Variants in TGS1 observed in about 807,000 individuals in gnomAD.
TGS1 encodes trimethylguanosine synthase 1, also known as trimethylguanosine synthase.
Under a neutral mutation model 92.2 loss-of-function variants are expected in TGS1, and 69 were observed. The observed-to-expected ratio is 0.75, with a 90% confidence interval of 0.62 to 0.91. The LOEUF (loss-of-function observed/expected upper bound fraction) is 0.91, where lower values mean the gene tolerates loss of function less well. Among genes scored for constraint, TGS1 ranks in the 40% least tolerant of loss-of-function variants. The pLI is 0.00. For synonymous variants in TGS1, 345 were observed against 338.1 expected (o/e 1.02, Z -0.22); for missense variants, 1,062 against 1,001.2 (o/e 1.06, Z -0.82).
At chr8:55,810,843 G>A (rs1803317881) in intron 10 of TGS1, 38 bp from the exon 11 acceptor site, 1 of 1,484,552 alleles carries the variant, frequency 6.7e-7, no homozygotes, top group Non-Finnish European at 9.4e-7. Flanking sequence ...GTAATAATCA[G>A]TGTCAATTAA....
chr8:55,805,226 A>G (rs997682654), intron 10 of TGS1, among the ~76,000 whole-genome samples, 190 bp downstream of exon 10: 10 of 152,238 alleles, frequency 6.6e-5, no homozygotes, highest in Non-Finnish European at 1.5e-4. Flanking sequence ...TGCTTCCTAC[A>G]GTTGACCCTT....
chr8:55,792,786 T>G lies in TGS1; in HGVS notation c.1367+2T>G. The G allele has an allele frequency of 6.2e-7, 1 of 1,601,360 alleles. No homozygotes were observed. Among genetic ancestry groups the G allele is most frequent in the South Asian group, 1.1e-5 (1 of 90,772 alleles). ...ATTCAAGTATGGCTCAGGACAAAAG[T>G]AATTATTCATAAAAGCTATTGTTTT... On this transcript the variant is annotated splice_donor_variant, in intron 6 of 12. Coordinates refer to ENST00000260129, the MANE Select transcript of TGS1 (RefSeq NM_024831.8). LOFTEE classifies it high-confidence loss of function.
rs114988342 is a variant in TGS1 at position 55,783,505 on chromosome 8, C to T, written c.166+693C>T. Among the ~76,000 whole-genome samples, 418 of 152,204 alleles carry T rather than the reference C, an allele frequency of 2.7e-3. 1 individual carries two copies. The highest frequency in any genetic ancestry group is 9.5e-3 in the African/African-American group (395 of 41,536). On this transcript the variant is annotated intron_variant, in intron 2 of 12. Transcript: ENST00000260129. ...AATGCTGCAGGATAAAAAAATGCTA[C>T]GGGATAAAAATTCCAGGTGAACATC...
chr8:55,810,027 T>C (rs980703388), intron 10 of TGS1, among the ~76,000 whole-genome samples: 2 of 152,242 alleles, frequency 1.3e-5, no homozygotes, highest in African/African-American at 4.8e-5. Context: ...TATGTTATAA[T>C]TGGTGCTTAT....
intron 12 of TGS1, among the ~76,000 whole-genome samples, chr8:55,814,727 G>C (rs935077697): frequency 6.8e-6 from 1 of 146,680 alleles, no homozygotes; most frequent in Non-Finnish European, 1.5e-5. Flanking sequence ...AAATTAGCCG[G>C]GCATGGTGGC....
At chr8:55,792,806 T>A in intron 6 of TGS1, 22 bp downstream of exon 6, 1 of 1,563,672 alleles carries the variant, frequency 6.4e-7, no homozygotes, top group Non-Finnish European at 8.8e-7. Context: ...TAAAAGCTAT[T>A]GTTTTCCAGA....
chr8:55,815,478 T>C (rs765043211), intron 12 of TGS1, among the ~76,000 whole-genome samples: 1 of 152,184 alleles, frequency 6.6e-6, no homozygotes, highest in African/African-American at 2.4e-5. Flanking sequence ...TAACTTTTTT[T>C]TGTTAAGGAA....
At chr8:55,815,566 C>T (rs1214774841) in intron 12 of TGS1, among the ~76,000 whole-genome samples, 1 of 152,184 alleles carries the variant, frequency 6.6e-6, no homozygotes, top group Non-Finnish European at 1.5e-5. Context: ...GTTTGAAACT[C>T]AGGCTGCATT....
intron 8 of TGS1, among the ~76,000 whole-genome samples, chr8:55,800,849 T>C (rs1171458041): frequency 6.6e-6 from 1 of 152,188 alleles, no homozygotes; most frequent in Non-Finnish European, 1.5e-5. Flanking sequence ...ACCATTTGAG[T>C]GTGTAATGGA....
intron 12 of TGS1, among the ~76,000 whole-genome samples, chr8:55,814,650 G>C (rs547985455): frequency 3.1e-5 from 4 of 127,518 alleles, no homozygotes; most frequent in Admixed American, 2.5e-4. Context: ...GCAAAACCCC[G>C]TCTCTACTTA....
chr8:55,774,450 A>G (rs1052948847), intron 1 of TGS1, among the ~76,000 whole-genome samples: 25 of 152,222 alleles, frequency 1.6e-4, no homozygotes, highest in Non-Finnish European at 3.4e-4. Context: ...ATAGTTTAAT[A>G]TAGTAGGATT....
Position 55,799,186 on chromosome 8 carries a change from A to C in TGS1, c.1815A>C (p.Gln605His). ...TVPDEQDCVT[Q>H]EVPDSRQAET... ...CAGATGAGCAGGATTGTGTTACTCAAGAAGTGCCAGACTCCCGCCAGGCAG... is the reference window on the plus strand; with the variant it reads ...CAGATGAGCAGGATTGTGTTACTCACGAAGTGCCAGACTCCCGCCAGGCAG... The change falls in exon 8 of 13, where the codon CAA becomes CAC. Residue 605 changes from glutamine to histidine, a missense_variant. Physicochemically the swap from Gln to His is conservative, Grantham distance 24 (BLOSUM62 0). Coordinates refer to ENST00000260129, the MANE Select transcript of TGS1 (RefSeq NM_024831.8). The C allele has an allele frequency of 6.2e-7, 1 of 1,613,564 alleles. No homozygotes were observed. The highest frequency in any genetic ancestry group is 8.5e-7 in the Non-Finnish European group (1 of 1,179,774).
At chr8:55,801,582 C>CCTTTTTT (rs1214681045) in intron 8 of TGS1, among the ~76,000 whole-genome samples, 2 of 48,200 alleles carry the variant, frequency 4.1e-5, no homozygotes, top group Non-Finnish European at 6.9e-5. Context: ...CCCCATCGTT[C>CCTTTTTT]TTTTTTTTTT....
At chr8:55,775,998 G>A (rs1473469100) in intron 1 of TGS1, among the ~76,000 whole-genome samples, 1 of 152,068 alleles carries the variant, frequency 6.6e-6, no homozygotes, top group Non-Finnish European at 1.5e-5. Flanking sequence ...TAAATCCCTT[G>A]GATCGATTGA....
intron 9 of TGS1, among the ~76,000 whole-genome samples, chr8:55,802,960 CG>C (rs1645690997): frequency 6.7e-6 from 1 of 148,366 alleles, no homozygotes; most frequent in African/African-American, 2.5e-5. Flanking sequence ...TCCTTTATCA[CG>C]TTTTTTTTTT....
chr8:55,814,926 T>C (rs2130241737), intron 12 of TGS1, among the ~76,000 whole-genome samples: 1 of 151,932 alleles, frequency 6.6e-6, no homozygotes, highest in East Asian at 1.9e-4. Context: ...GTATTTTATA[T>C]CTACTTCTCA....
In TGS1 at chr8:55,805,013, A is replaced by G; in HGVS notation, c.2120A>G (p.Gln707Arg). ...TGTGGAGTTGGAGGAAATACCATTC[A>G]GTTTGCCTTAACAGGAATGAGAGGT... The part of the protein sequence containing the change: ...AFCGVGGNTI[Q>R]FALTGMRVIA... The change falls in exon 10 of 13, where the codon CAG (glutamine) becomes CGG (arginine). Residue 707 changes from glutamine (Q) to arginine (R), a missense_variant. Transcript: ENST00000260129. 1.2e-6 allele frequency: 2 copies of G among 1,613,938 alleles called. No individual in the cohort carries two copies. Among genetic ancestry groups the G allele is most frequent in the East Asian group, 2.2e-5 (1 of 44,876 alleles).
chr8:55,798,579 A>G (rs559270614), intron 7 of TGS1, among the ~76,000 whole-genome samples: 2 of 152,368 alleles, frequency 1.3e-5, no homozygotes, highest in Admixed American at 6.5e-5. Flanking sequence ...GTACATTTGT[A>G]ATGTAGCTGT....
chr8:55,780,446 A>G (rs1286706210), intron 1 of TGS1, among the ~76,000 whole-genome samples: 1 of 152,134 alleles, frequency 6.6e-6, no homozygotes, highest in Admixed American at 6.6e-5. Flanking sequence ...CACAGAAATG[A>G]TGCTATGCCC....
Sources: allele counts gnomAD v4.1 joint callset (sites outside exome capture counted in the v4.1 genomes callset), GRCh38; gene constraint gnomAD v4.1.1; transcripts MANE v1.5; gene names NCBI Gene and HGNC (gene_info 2026-07-23, HGNC 2026-07-21).